Variants in TTC39C observed in about 807,000 individuals in gnomAD.
TTC39C encodes tetratricopeptide repeat domain 39C.
In TTC39C, 33 loss-of-function variants were observed where a neutral mutation model predicts 76.3. The observed-to-expected ratio is 0.43, with a 90% CI of 0.33 to 0.58. The LOEUF is 0.58. Ranked by LOEUF, TTC39C falls within the 20% of genes least tolerant of loss-of-function variation. TTC39C has a pLI of 0.04. For synonymous variants in TTC39C, 254 were observed against 260.6 expected, an observed-to-expected ratio of 0.97 and a Z score of 0.24; for missense variants, 595 against 701.4, an observed-to-expected ratio of 0.85 and a Z score of 1.71.
chr18:24,122,678 G>A (rs1221612597), intron 8 of TTC39C, among the ~76,000 whole-genome samples: 1 of 152,052 alleles, frequency 6.6e-6, no homozygotes, highest in African/African-American at 2.4e-5. Flanking sequence ...TGGGGCTGCA[G>A]CCAGTGCAAA....
intron 1 of TTC39C, among the ~76,000 whole-genome samples, chr18:24,045,471 G>A (rs932413102): frequency 6.6e-6 from 1 of 152,010 alleles, no homozygotes; most frequent in Non-Finnish European, 1.5e-5. Context: ...GTGAAAGGCT[G>A]TAATAAATAC....
rs1374057942 is a variant in TTC39C at position 24,014,893 on chromosome 18, C to T, written c.22C>T (p.Arg8Trp). The T allele has an allele frequency of 6.8e-7, 1 of 1,481,350 alleles. No individual in the cohort carries two copies. Among genetic ancestry groups the T allele is most frequent in the Non-Finnish European group, 9.0e-7 (1 of 1,117,110 alleles). The allele number at this position is 1,481,350 out of a possible 1,614,324, so 91.8% of individuals were successfully genotyped here. A position where few individuals can be genotyped will look rare whatever the true frequency, so the allele number is the denominator to read the frequency against. MAGSEQQ[R>W]PRRRDDGDSD... ...GCCCATGGCCGGCTCGGAGCAGCAG[C>T]GGCCGCGGCGGCGGGACGACGGAGA... Residue 8 changes from arginine to tryptophan, a missense_variant, in exon 1 of 14, where the codon CGG becomes TGG. Coordinates refer to ENST00000317571, the MANE Select transcript of TTC39C (RefSeq NM_001135993.2).
At chr18:24,112,310 A>G (rs2084825338) in intron 6 of TTC39C, among the ~76,000 whole-genome samples, 1 of 152,160 alleles carries the variant, frequency 6.6e-6, no homozygotes, top group Non-Finnish European at 1.5e-5. Flanking sequence ...TCCTTGACTT[A>G]ATCACATCTG....
At chr18:24,062,138 GA>G (rs1020095907) in intron 1 of TTC39C, among the ~76,000 whole-genome samples, 7 of 152,186 alleles carry the variant, frequency 4.6e-5, no homozygotes, top group Non-Finnish European at 7.4e-5. Flanking sequence ...AGGTGAAGTC[GA>G]AAGGGCCAGG....
In TTC39C at chr18:24,070,451, A is replaced by G. The variant is rs149158511; in HGVS notation, c.460+1180A>G. ...TGACTCAGATATAAAAGAGTACCAGAGCTTATCTGGACCTTGTTGGTCAAG... is the reference window on the plus strand; with the variant it reads ...TGACTCAGATATAAAAGAGTACCAGGGCTTATCTGGACCTTGTTGGTCAAG... On this transcript the variant is annotated intron_variant, in intron 4 of 13. Coordinates refer to ENST00000317571, the MANE Select transcript of TTC39C (RefSeq NM_001135993.2). 6.3e-3 allele frequency among the ~76,000 whole-genome samples: 955 copies of G among 152,264 alleles called. 7 individuals are homozygous for G. Among genetic ancestry groups the G allele is most frequent in the Non-Finnish European group, 9.2e-3 (628 of 68,016 alleles).
At chr18:24,061,110 C>A in intron 1 of TTC39C, among the ~76,000 whole-genome samples, 1 of 151,950 alleles carries the variant, frequency 6.6e-6, no homozygotes. Context: ...AGCTTCATTT[C>A]CATCCTTTTT....
At chr18:24,056,724 A>G (rs1041708953) in intron 1 of TTC39C, among the ~76,000 whole-genome samples, 1 of 152,160 alleles carries the variant, frequency 6.6e-6, no homozygotes, top group Admixed American at 6.5e-5. Flanking sequence ...CAGAGAGAAA[A>G]TTTTAGAGCC....
chr18:24,083,297 G>A (rs2084399706), intron 6 of TTC39C, among the ~76,000 whole-genome samples: 1 of 152,096 alleles, frequency 6.6e-6, no homozygotes, highest in Non-Finnish European at 1.5e-5. Context: ...GCGAAGTAGG[G>A]GTAAGATTCC....
chr18:24,052,209 G>A (rs1169170697), intron 1 of TTC39C, among the ~76,000 whole-genome samples: 1 of 152,174 alleles, frequency 6.6e-6, no homozygotes, highest in Non-Finnish European at 1.5e-5. Context: ...ATGATGACGT[G>A]AGTCAGAGTA....
At chr18:24,011,345 G>A (rs144617107), upstream of TTC39C, among the ~76,000 whole-genome samples, 180 of 152,332 alleles carry the variant, frequency 1.2e-3, 3 homozygotes, top group East Asian at 0.032. Context: ...TTAATTAGGG[G>A]ATTTCAGTTA....
At chr18:24,002,535 A>G (rs963923443) in intron 1 of TTC39C, among the ~76,000 whole-genome samples, 2 of 152,196 alleles carry the variant, frequency 1.3e-5, no homozygotes, top group Non-Finnish European at 2.9e-5. Context: ...ATCGTGCAAG[A>G]TGGGAGCTAG....
At chr18:24,048,920 G>A (rs1158824170) in intron 1 of TTC39C, among the ~76,000 whole-genome samples, 1 of 151,988 alleles carries the variant, frequency 6.6e-6, no homozygotes, top group East Asian at 1.9e-4. Context: ...TTTTTAAATT[G>A]GTAAAATTTA....
intron 1 of TTC39C, among the ~76,000 whole-genome samples, chr18:23,997,693 A>AGAAAGAAG: frequency 6.6e-6 from 1 of 151,092 alleles, no homozygotes; most frequent in Non-Finnish European, 1.5e-5. Context: ...AAAGAAAGAA[A>AGAAAGAAG]GAAAGAAAGA....
intron 6 of TTC39C, among the ~76,000 whole-genome samples, chr18:24,109,204 A>C (rs2084782419): frequency 6.6e-6 from 1 of 151,614 alleles, no homozygotes; most frequent in Admixed American, 6.6e-5. Flanking sequence ...AAAAAGTTAA[A>C]AAATTAGCCA....
chr18:24,004,085 C>A (rs2083333744), intron 1 of TTC39C, among the ~76,000 whole-genome samples: 1 of 152,142 alleles, frequency 6.6e-6, no homozygotes, highest in Admixed American at 6.5e-5. Flanking sequence ...CATTTTAGTT[C>A]CCCAAGCAAG....
At chr18:24,072,479 T>C (rs2084253807) in intron 4 of TTC39C, among the ~76,000 whole-genome samples, 1 of 152,194 alleles carries the variant, frequency 6.6e-6, no homozygotes, top group Non-Finnish European at 1.5e-5. Flanking sequence ...GTATTTTTAG[T>C]AGAGACAGGG....
At chr18:24,115,475 C>T (rs1424957698) in intron 7 of TTC39C, among the ~76,000 whole-genome samples, 1 of 152,136 alleles carries the variant, frequency 6.6e-6, no homozygotes, top group Non-Finnish European at 1.5e-5. Flanking sequence ...TACAAGGTCA[C>T]ACCATGTAGC....
At chr18:24,109,148 G>A (rs2084780394) in intron 6 of TTC39C, among the ~76,000 whole-genome samples, 1 of 116,204 alleles carries the variant, frequency 8.6e-6, no homozygotes, top group African/African-American at 3.7e-5. Flanking sequence ...AGAACAGCCT[G>A]AGAAACATAG....
At chr18:24,045,928 T>TATATATATATATATA (rs1251153059) in intron 1 of TTC39C, among the ~76,000 whole-genome samples, 6 of 22,912 alleles carry the variant, frequency 2.6e-4, no homozygotes, top group Non-Finnish European at 2.9e-4. Context: ...TATATATATA[T>TATATATATATATATA]TTTTTTTTTT....
Sources: allele counts gnomAD v4.1 joint callset (sites outside exome capture counted in the v4.1 genomes callset), GRCh38; gene constraint gnomAD v4.1.1; transcripts MANE v1.5; gene names NCBI Gene and HGNC (gene_info 2026-07-23, HGNC 2026-07-21).